The following TAF1 variants were observed in gnomAD, a reference collection of about 807,000 sequenced individuals.
The protein encoded by TAF1 is transcription initiation factor TFIID subunit 1.
A neutral mutation model predicts 138.5 loss-of-function variants in TAF1; 2 were observed. The ratio of observed to expected loss-of-function variants is 0.01; its 90% confidence interval spans 0.01 to 0.05. The LOEUF (loss-of-function observed/expected upper bound fraction) is 0.05, where lower values mean the gene tolerates loss of function less well. TAF1 is among the 10% of genes least tolerant of loss of function. The probability of loss-of-function intolerance (pLI) is 1.00; values close to 1 mark genes in which losing one functional copy is unlikely to be tolerated. For missense variants in TAF1, 709 were observed against 1,478.0 expected, an observed-to-expected ratio of 0.48 and a Z score of 8.53; for synonymous variants, 437 against 503.2, an observed-to-expected ratio of 0.87 and a Z score of 1.76.
chrX:71,524,079 T>C (rs771066260), intron 13 of TAF1, among the ~76,000 whole-genome samples: 1 of 103,882 alleles, frequency 9.6e-6, no homozygotes, highest in Non-Finnish European at 2.0e-5. Context: ...CGGAGTGCAG[T>C]GGCACAAACA....
intron 26 of TAF1, 102 bp downstream of exon 26, chrX:71,406,848 C>A: frequency 1.7e-6 from 1 of 598,735 alleles, no homozygotes; most frequent in Non-Finnish European, 2.6e-6. Flanking sequence ...AGTTGCCTTG[C>A]CCTGAGAATT....
chrX:71,399,253 CTTTTTTTT>C (rs1159549890), intron 24 of TAF1, among the ~76,000 whole-genome samples: 7 of 70,344 alleles, frequency 1.0e-4, no homozygotes, highest in African/African-American at 1.7e-4. Flanking sequence ...CATTTATTCT[CTTTTTTTT>C]TTTTTTTTTT....
At chrX:71,425,229 A>G (rs1013484919) in intron 32 of TAF1, among the ~76,000 whole-genome samples, 1 of 111,476 alleles carries the variant, frequency 9.0e-6, no homozygotes, top group Non-Finnish European at 1.9e-5. Flanking sequence ...ACATGAGTTG[A>G]TTGAATAACA....
chrX:71,473,461 G>A (rs1457185641), intron 13 of TAF1, among the ~76,000 whole-genome samples: 1 of 110,607 alleles, frequency 9.0e-6, no homozygotes, highest in Non-Finnish European at 1.9e-5. Context: ...ACTTAAGGCC[G>A]TGAGTTTGAG....
chrX:71,398,043 A>G (rs2034950890), intron 23 of TAF1, among the ~76,000 whole-genome samples: 1 of 111,819 alleles, frequency 8.9e-6, no homozygotes, highest in Admixed American at 9.5e-5. Flanking sequence ...GTTTGCAAAA[A>G]TCTTAGAGAT....
chrX:71,518,730 C>T (rs1249801655), intron 13 of TAF1, among the ~76,000 whole-genome samples: 2 of 85,121 alleles, frequency 2.3e-5, no homozygotes, highest in Non-Finnish European at 4.4e-5. Context: ...GAGTCTGGCT[C>T]TGTCACCTGG....
intron 28 of TAF1, among the ~76,000 whole-genome samples, chrX:71,413,679 C>G (rs1042212216): frequency 1.8e-5 from 2 of 111,307 alleles, no homozygotes; most frequent in African/African-American, 6.5e-5. Context: ...AGTTGTCTGC[C>G]AGACATGTCC....
rs1408053707 is a variant in TAF1, at chrX:71,407,961, C to A, written c.4207-13C>A. The stretch of plus-strand genomic sequence containing the variant: ...GTTATTTGCTGATGTATGGTTCTGG[C>A]CCTTGTTTGCAGACATACCCTTTCC... On this transcript the variant is annotated splice_polypyrimidine_tract_variant and intron_variant, in intron 27 of 37. Coordinates refer to ENST00000423759, the MANE Select transcript of TAF1 (RefSeq NM_004606.5). 2 of 1,205,074 alleles carry A rather than the reference C, an allele frequency of 1.7e-6. No individual in the cohort carries two copies. Among genetic ancestry groups the A allele is most frequent in the East Asian group, 5.9e-5 (2 of 33,778 alleles).
chrX:71,460,924 C>A, intron 37 of TAF1, 121 bp downstream of exon 37: 2 of 993,329 alleles, frequency 2.0e-6, no homozygotes, highest in Non-Finnish European at 2.8e-6. Flanking sequence ...TAGGGCCAGG[C>A]ACTGTGCTAG....
At chrX:71,500,936 C>T (rs948738663) in intron 13 of TAF1, among the ~76,000 whole-genome samples, 5 of 109,072 alleles carry the variant, frequency 4.6e-5, no homozygotes, top group African/African-American at 1.3e-4. Context: ...TGGTGGCAGG[C>T]GCCTTAATCC....
downstream of TAF1, among the ~76,000 whole-genome samples, chrX:71,469,598 G>A (rs1304498925): frequency 9.2e-6 from 1 of 109,067 alleles, no homozygotes; most frequent in African/African-American, 3.3e-5. Flanking sequence ...CGGGAGGCTC[G>A]GGTGGGAGGA....
intron 13 of TAF1, among the ~76,000 whole-genome samples, chrX:71,493,204 AG>A (rs1274025901): frequency 9.0e-6 from 1 of 110,518 alleles, no homozygotes; most frequent in African/African-American, 3.3e-5. Flanking sequence ...TAGTAGAGAC[AG>A]GGTTTCACTA....
At chrX:71,385,166 C>T in intron 14 of TAF1, 117 bp downstream of exon 14, 1 of 521,985 alleles carries the variant, frequency 1.9e-6, no homozygotes, top group African/African-American at 2.4e-5. Context: ...ATTTTAAGTA[C>T]AAAGAAAATA....
chrX:71,460,438 A>G (rs1228763341), intron 36 of TAF1, among the ~76,000 whole-genome samples, 188 bp from the exon 37 acceptor site: 3 of 112,557 alleles, frequency 2.7e-5, no homozygotes, highest in African/African-American at 9.7e-5. Context: ...ATTTGGATTC[A>G]GATTCTAAAC....
intron 2 of TAF1, 89 bp from the exon 3 acceptor site, chrX:71,367,965 C>T: frequency 9.9e-7 from 1 of 1,008,845 alleles, no homozygotes; most frequent in Non-Finnish European, 1.4e-6. Flanking sequence ...GCCACCGCAT[C>T]CAGCCTGTAC....
chrX:71,458,400 A>T (rs1435491337), intron 35 of TAF1, 34 bp downstream of exon 35: 2 of 1,197,252 alleles, frequency 1.7e-6, no homozygotes, highest in Non-Finnish European at 2.3e-6. Flanking sequence ...TAAGATTGTT[A>T]TTGTGCCTGC....
intron 5 of TAF1, 131 bp downstream of exon 5, chrX:71,377,322 C>T: frequency 2.0e-6 from 2 of 991,779 alleles, no homozygotes; most frequent in Non-Finnish European, 1.4e-6. Context: ...CATAAGAGCT[C>T]TTCACACTGT....
chrX:71,394,830 C>G lies in TAF1; in HGVS notation c.3406+585C>G, dbSNP rs148392250. The stretch of plus-strand genomic sequence containing the variant: ...TATTTTGTATTCCTCCTGCCTCAGC[C>G]TCCTGAGTAGCTGGGACTATAGGTG... On this transcript the variant is annotated intron_variant, in intron 22 of 37. Coordinates refer to ENST00000423759, the MANE Select transcript of TAF1 (RefSeq NM_004606.5). 1.4e-3 allele frequency among the ~76,000 whole-genome samples: 156 copies of G among 110,862 alleles called. 1 individual carries two copies. Among genetic ancestry groups the G allele is most frequent in the Non-Finnish European group, 1.8e-3 (97 of 52,950 alleles).
At position 71,377,061 on chromosome X, in the gene TAF1, C is replaced by T. The variant is rs772975167; in HGVS notation, c.584C>T (p.Pro195Leu). 4.1e-5 allele frequency: 49 copies of T among 1,209,641 alleles called. No individual in the cohort carries two copies. Among genetic ancestry groups the T allele is most frequent in the Non-Finnish European group, 5.3e-5 (47 of 895,231 alleles). ...TCTGACTCAGAATCTGAGATGGGAC[C>T]TCAGGAAGCAACACAGGCAGAATCT... is the stretch of plus-strand genomic sequence containing the variant. The part of the protein sequence containing the change: ...SSSDSESEMG[P>L]QEATQAESED... The change falls in exon 5 of 38, where the codon CCT (proline) becomes CTT (leucine). Residue 195 changes from proline (P) to leucine (L), a missense_variant. Physicochemically the swap from Pro to Leu is moderately conservative, Grantham distance 98. Around this residue, in one of 14 missense-constraint regions of TAF1, gnomAD observed 123 missense variants for 161.6 expected, o/e 0.76. Transcript: ENST00000423759.
Sources: gnomAD v4.1 joint callset for allele counts (sites outside exome capture counted in the v4.1 genomes callset) on GRCh38, gnomAD v4.1.1 for gene constraint, gnomAD v4.1.1 regional missense constraint, MANE v1.5 for transcripts, NCBI Gene and HGNC (gene_info 2026-07-23, HGNC 2026-07-21) for gene names.